B3GALT1: variants seen among roughly 807,000 people sequenced by gnomAD.
B3GALT1 encodes the protein beta-1,3-galactosyltransferase 1.
In B3GALT1, 10 loss-of-function variants were observed where a neutral mutation model predicts 23.2. That is an observed-to-expected ratio of 0.43 (90% CI 0.27 to 0.73). The LOEUF (loss-of-function observed/expected upper bound fraction) is 0.73, where lower values mean the gene tolerates loss of function less well. B3GALT1 is among the 30% of genes least tolerant of loss of function. The pLI is 0.21. For missense variants in B3GALT1, 299 were observed against 405.4 expected (o/e 0.74, Z 2.25); for synonymous variants, 156 against 141.5 (o/e 1.10, Z -0.73).
chr2:167,629,724 TACAGAAA>T (rs1558929994), intron 2 of B3GALT1, among the ~76,000 whole-genome samples: 10 of 151,770 alleles, frequency 6.6e-5, no homozygotes, highest in Non-Finnish European at 1.2e-4. Context: ...AATAAATTAC[TACAGAAA>T]TAAAAATTTT....
At chr2:167,782,703 G>T (rs1250379973) in intron 3 of B3GALT1, among the ~76,000 whole-genome samples, 3 of 152,126 alleles carry the variant, frequency 2.0e-5, no homozygotes, top group Admixed American at 6.5e-5. Context: ...TTTTAACAGG[G>T]TGTGCATGTT....
chr2:167,321,705 C>T (rs552582320), intron 1 of B3GALT1, among the ~76,000 whole-genome samples: 8 of 152,100 alleles, frequency 5.3e-5, no homozygotes, highest in South Asian at 4.1e-4. Context: ...TGCTTCCCCA[C>T]GTGCATTTAA....
intron 1 of B3GALT1, among the ~76,000 whole-genome samples, chr2:167,475,369 G>T (rs562789514): frequency 6.6e-6 from 1 of 152,104 alleles, no homozygotes; most frequent in East Asian, 1.9e-4. Flanking sequence ...CTTAATAATG[G>T]CACAAAAGTA....
chr2:167,728,768 C>T (rs1278979883), intron 3 of B3GALT1, among the ~76,000 whole-genome samples: 1 of 152,116 alleles, frequency 6.6e-6, no homozygotes, highest in East Asian at 1.9e-4. Flanking sequence ...TAATTGTATA[C>T]AGACAACCAC....
At chr2:167,509,358 A>C (rs1699969422) in intron 2 of B3GALT1, among the ~76,000 whole-genome samples, 2 of 152,108 alleles carry the variant, frequency 1.3e-5, no homozygotes, top group South Asian at 4.1e-4. Context: ...GAAACAACAA[A>C]TAATAATAAA....
intron 2 of B3GALT1, among the ~76,000 whole-genome samples, chr2:167,645,553 ATTTTTTTTTTTT>A (rs1195110974): frequency 2.3e-5 from 2 of 87,046 alleles, no homozygotes; most frequent in African/African-American, 9.4e-5. Flanking sequence ...ACTGCCAATA[ATTTTTTTTTTTT>A]TTTTTTTTTT....
chr2:167,629,941 T>C (rs1685409952), intron 2 of B3GALT1, among the ~76,000 whole-genome samples: 1 of 151,862 alleles, frequency 6.6e-6, no homozygotes, highest in African/African-American at 2.4e-5. Flanking sequence ...AATTGGTCTC[T>C]CTGGGCATTT....
At chr2:167,510,334 TA>T (rs554947656) in intron 2 of B3GALT1, among the ~76,000 whole-genome samples, 47 of 152,242 alleles carry the variant, frequency 3.1e-4, no homozygotes, top group Admixed American at 5.2e-4. Flanking sequence ...CTTCTTGTTA[TA>T]TTTTTTTAAT....
Position 167,641,468 on chromosome 2 carries a change from A to G in B3GALT1, c.-409-5441A>G, listed in dbSNP as rs544479440. ...TCATCTCTAAAACTGTGACTAGAAC[A>G]TTACTGACCATATGGGTATTGTGCA... On this transcript the variant is annotated intron_variant, in intron 2 of 4. Coordinates refer to ENST00000392690, the MANE Select transcript of B3GALT1 (RefSeq NM_020981.4). 8.5e-5 allele frequency among the ~76,000 whole-genome samples: 13 copies of G among 152,318 alleles called. No individual in the cohort carries two copies. In the South Asian group the frequency reaches 2.5e-3, roughly 29 times the overall value.
At chr2:167,704,532 TA>T (rs2105512883) in intron 3 of B3GALT1, among the ~76,000 whole-genome samples, 1 of 151,968 alleles carries the variant, frequency 6.6e-6, no homozygotes, top group African/African-American at 2.4e-5. Flanking sequence ...TTCTCTAGCC[TA>T]CTTTAAAAAA....
At chr2:167,448,277 C>T (rs981484909) in intron 1 of B3GALT1, among the ~76,000 whole-genome samples, 3 of 152,146 alleles carry the variant, frequency 2.0e-5, no homozygotes, top group South Asian at 2.1e-4. Context: ...ACATCTATGC[C>T]GACATCTGTT....
intron 1 of B3GALT1, among the ~76,000 whole-genome samples, chr2:167,340,260 G>T (rs564886484): frequency 4.6e-5 from 7 of 150,988 alleles, no homozygotes; most frequent in East Asian, 1.9e-4. Flanking sequence ...GTATTTAGAG[G>T]GTGATAAACC....
At chr2:167,776,129 T>C (rs778943957) in intron 3 of B3GALT1, among the ~76,000 whole-genome samples, 3 of 152,068 alleles carry the variant, frequency 2.0e-5, no homozygotes, top group Non-Finnish European at 4.4e-5. Context: ...TTTTCTGACC[T>C]CTGTACTCAG....
intron 1 of B3GALT1, among the ~76,000 whole-genome samples, chr2:167,311,491 A>T (rs1696633218): frequency 6.6e-6 from 1 of 152,010 alleles, no homozygotes; most frequent in Admixed American, 6.6e-5. Context: ...AATTTTTAAA[A>T]TTTTTTCGAA....
rs181450715 is a variant in B3GALT1, at chr2:167,336,021, C to T, written c.-511+42687C>T. On this transcript the variant is annotated intron_variant, in intron 1 of 4. Transcript: ENST00000392690. Reference sequence around the variant, plus strand: ...TAAGCAAGTTTTGATTAAAAAAAAACGATATTTTGCATGCATTATTGCTTT... The same window carrying T: ...TAAGCAAGTTTTGATTAAAAAAAAATGATATTTTGCATGCATTATTGCTTT... 2.9e-4 allele frequency among the ~76,000 whole-genome samples: 44 copies of T among 151,598 alleles called. 3 individuals carry two copies. Among genetic ancestry groups the T allele is most frequent in the Admixed American group, 2.3e-3 (35 of 15,224 alleles).
intron 3 of B3GALT1, among the ~76,000 whole-genome samples, chr2:167,648,183 A>G (rs950755267): frequency 1.3e-5 from 2 of 152,098 alleles, no homozygotes; most frequent in East Asian, 1.9e-4. Context: ...TGATATCTCA[A>G]ATTTTCAGTT....
chr2:167,595,544 T>C (rs1574158467), intron 2 of B3GALT1, among the ~76,000 whole-genome samples: 2 of 152,322 alleles, frequency 1.3e-5, no homozygotes, highest in African/African-American at 4.8e-5. Context: ...TCATTCTGTT[T>C]TACATTTTTT....
chr2:167,520,023 TGACAGAGTAA>T (rs1488036560), intron 2 of B3GALT1, among the ~76,000 whole-genome samples: 1 of 150,198 alleles, frequency 6.7e-6, no homozygotes, highest in East Asian at 2.0e-4. Flanking sequence ...GCAGCCTAGG[TGACAGAGTAA>T]GACTCTATCT....
intron 3 of B3GALT1, among the ~76,000 whole-genome samples, chr2:167,661,900 T>A (rs1303514449): frequency 6.6e-6 from 1 of 152,008 alleles, no homozygotes; most frequent in Non-Finnish European, 1.5e-5. Flanking sequence ...GATAACTAAG[T>A]GTCAGGGGTG....
Sources: gnomAD v4.1 joint callset for allele counts (sites outside exome capture counted in the v4.1 genomes callset) on GRCh38, gnomAD v4.1.1 for gene constraint, MANE v1.5 for transcripts, NCBI Gene and HGNC (gene_info 2026-07-23, HGNC 2026-07-21) for gene names.